Variants in SYN3 observed in about 807,000 individuals in gnomAD.
SYN3 encodes the protein synapsin III.
A neutral mutation model predicts 65.8 loss-of-function variants in SYN3; 35 were observed. That is an observed-to-expected ratio of 0.53 (90% confidence interval 0.41 to 0.70). The LOEUF is 0.70. Ranked by LOEUF, SYN3 falls within the 30% of genes least tolerant of loss-of-function variation. The pLI is 0.00. For synonymous variants in SYN3, 270 were observed against 292.9 expected (o/e 0.92, Z 0.80); for missense variants, 680 against 749.0 (o/e 0.91, Z 1.08).
At chr22:32,993,628 G>C (rs1020652449) in intron 2 of SYN3, among the ~76,000 whole-genome samples, 4 of 152,228 alleles carry the variant, frequency 2.6e-5, no homozygotes, top group Non-Finnish European at 5.9e-5. Context: ...ACAGGCGTGA[G>C]CCACCATGCC....
chr22:32,781,385 A>G (rs1297764931), intron 6 of SYN3, among the ~76,000 whole-genome samples: 2 of 152,138 alleles, frequency 1.3e-5, no homozygotes, highest in Non-Finnish European at 2.9e-5. Flanking sequence ...TTAAGGACAC[A>G]AAGCTTAGGG....
At chr22:32,644,929 G>A (rs1306734926) in intron 6 of SYN3, among the ~76,000 whole-genome samples, 6 of 152,132 alleles carry the variant, frequency 3.9e-5, no homozygotes, top group Non-Finnish European at 7.4e-5. Context: ...GCCCTCCACT[G>A]CCTAGCTCTC....
intron 4 of SYN3, among the ~76,000 whole-genome samples, chr22:32,887,511 C>T (rs546610350): frequency 1.3e-5 from 2 of 152,182 alleles, no homozygotes; most frequent in Non-Finnish European, 2.9e-5. Flanking sequence ...GGTTCCATTG[C>T]CAGTTGAGCT....
chr22:32,815,511 C>T lies in SYN3; in HGVS notation c.711+49404G>A, dbSNP rs61586836. 9.7e-3 allele frequency among the ~76,000 whole-genome samples: 1,474 copies of T among 152,268 alleles called. 32 individuals carry two copies. Among genetic ancestry groups the T allele is most frequent in the African/African-American group, 0.035 (1,436 of 41,540 alleles). On this transcript the variant is annotated intron_variant, in intron 6 of 13. Transcript: ENST00000358763. ...TCTCCTTTAAACTCTCATAACCACT[C>T]ATTGAGGTAGGCACTCCTATTTCTA...
chr22:32,962,129 CT>C (rs58025844), intron 3 of SYN3, among the ~76,000 whole-genome samples: 1,106 of 107,094 alleles, frequency 0.01, 3 homozygotes, highest in Non-Finnish European at 0.012. Context: ...TTTAGAATCT[CT>C]TTTTTTTTTT....
intron 6 of SYN3, among the ~76,000 whole-genome samples, chr22:32,641,973 A>G (rs560099251): frequency 5.3e-5 from 8 of 152,206 alleles, no homozygotes; most frequent in Admixed American, 2.0e-4. Flanking sequence ...TCCTCTGGCA[A>G]TCCTCACACT....
intron 3 of SYN3, among the ~76,000 whole-genome samples, chr22:32,977,512 G>A (rs1430113990): frequency 3.3e-5 from 5 of 151,972 alleles, no homozygotes; most frequent in African/African-American, 9.7e-5. Context: ...TTGGGAGGCC[G>A]AGGCGGGTGG....
intron 6 of SYN3, among the ~76,000 whole-genome samples, chr22:32,639,316 C>T (rs2059863573): frequency 6.6e-6 from 1 of 152,154 alleles, no homozygotes. Context: ...CTGTATATGA[C>T]TAGCCAGCTA....
rs140290635 is a variant in SYN3 at position 32,650,798 on chromosome 22, T to C, written c.712-54062A>G. Among the ~76,000 whole-genome samples, 20 of 152,316 alleles carry C rather than the reference T, an allele frequency of 1.3e-4. No homozygotes were observed. In the East Asian group the frequency reaches 3.3e-3, roughly 25 times the overall value. Reference sequence around the variant, plus strand: ...GCGCTGTGACAATCTGAGTCTCTTATTAAATGAGATAATGCATGCCAAGCA... The same window carrying C: ...GCGCTGTGACAATCTGAGTCTCTTACTAAATGAGATAATGCATGCCAAGCA... On this transcript the variant is annotated intron_variant, in intron 6 of 13. Coordinates refer to ENST00000358763, the MANE Select transcript of SYN3 (RefSeq NM_003490.4).
intron 6 of SYN3, among the ~76,000 whole-genome samples, chr22:32,728,717 G>A (rs1162858124): frequency 1.3e-5 from 2 of 152,216 alleles, no homozygotes; most frequent in Non-Finnish European, 2.9e-5. Context: ...GGGAAACTGA[G>A]ACTCAGTCTT....
chr22:33,015,840 C>CTTTTTTTTTTTTTTTTTTTTTT (rs758927603), intron 1 of SYN3, among the ~76,000 whole-genome samples: 4 of 139,984 alleles, frequency 2.9e-5, no homozygotes, highest in Non-Finnish European at 4.5e-5. Context: ...GGCAAATTTT[C>CTTTTTTTTTTTTTTTTTTTTTT]TTTTCTTTTT....
chr22:33,023,323 T>C (rs1400316901), intron 1 of SYN3, among the ~76,000 whole-genome samples: 1 of 152,192 alleles, frequency 6.6e-6, no homozygotes, highest in Non-Finnish European at 1.5e-5. Context: ...AGTGAATAAG[T>C]CTCATGAGAC....
chr22:32,987,196 G>A (rs2052553503), intron 2 of SYN3, among the ~76,000 whole-genome samples: 1 of 152,094 alleles, frequency 6.6e-6, no homozygotes, highest in Non-Finnish European at 1.5e-5. Context: ...CCCACTGGGG[G>A]TGGAGTGGAA....
In SYN3 at chr22:32,705,156, C is replaced by T. The variant is rs1016745517; in HGVS notation, c.712-108420G>A. 2.0e-4 allele frequency among the ~76,000 whole-genome samples: 31 copies of T among 152,076 alleles called. 1 individual carries two copies. Among genetic ancestry groups the T allele is most frequent in the Admixed American group, 1.8e-3 (28 of 15,272 alleles). ...TCCTATGTCCAGAATGGTATTGCCT[C>T]CATTGTCTTCCAGGATTTTTATAGT... On this transcript the variant is annotated intron_variant, in intron 6 of 13. Transcript: ENST00000358763.
intron 6 of SYN3, among the ~76,000 whole-genome samples, chr22:32,757,660 C>T (rs184864975): frequency 1.2e-4 from 18 of 152,204 alleles, no homozygotes; most frequent in African/African-American, 4.1e-4. Flanking sequence ...CTGGGTTGAT[C>T]GACCCCGACT....
At chr22:33,028,738 T>C (rs941060646) in intron 1 of SYN3, among the ~76,000 whole-genome samples, 6 of 145,894 alleles carry the variant, frequency 4.1e-5, no homozygotes, top group Non-Finnish European at 6.1e-5. Context: ...TAACTGAGCC[T>C]CTTTTAAGAA....
chr22:33,053,760 C>T (rs1404635902), intron 1 of SYN3, among the ~76,000 whole-genome samples: 2 of 152,106 alleles, frequency 1.3e-5, no homozygotes, highest in East Asian at 1.9e-4. Context: ...GGATAGATGC[C>T]CCTGCTCTGT....
intron 4 of SYN3, among the ~76,000 whole-genome samples, chr22:32,930,844 TC>T (rs2050608362): frequency 6.6e-6 from 1 of 152,230 alleles, no homozygotes; most frequent in Non-Finnish European, 1.5e-5. Flanking sequence ...TCACTTGCTC[TC>T]CAATTCAGCA....
chr22:32,990,182 G>T (rs902980365), intron 2 of SYN3, among the ~76,000 whole-genome samples: 11 of 152,278 alleles, frequency 7.2e-5, no homozygotes, highest in Middle Eastern at 6.8e-3. Flanking sequence ...GTTTGGCAAG[G>T]GAAAGTGGAG....
Sources: allele counts gnomAD v4.1 joint callset (sites outside exome capture counted in the v4.1 genomes callset), GRCh38; gene constraint gnomAD v4.1.1; transcripts MANE v1.5; gene names NCBI Gene and HGNC (gene_info 2026-07-23, HGNC 2026-07-21).